Variants in ELOVL6 observed in about 807,000 individuals in gnomAD.
The protein encoded by ELOVL6 is ELOVL fatty acid elongase 6.
Under a neutral mutation model 31.7 loss-of-function variants are expected in ELOVL6, and 8 were observed. That is an observed-to-expected ratio of 0.25 (90% CI 0.15 to 0.45). The LOEUF is 0.45. Among genes scored for constraint, ELOVL6 ranks in the 20% least tolerant of loss-of-function variants. ELOVL6 has a pLI of 1.00. For synonymous variants in ELOVL6, 101 were observed against 117.7 expected (o/e 0.86, Z 0.92); for missense variants, 126 against 326.4 (o/e 0.39, Z 4.73).
chr4:110,108,204 C>T (rs1209339742), intron 1 of ELOVL6, among the ~76,000 whole-genome samples: 2 of 152,120 alleles, frequency 1.3e-5, no homozygotes, highest in East Asian at 1.9e-4. Flanking sequence ...ATACATATAC[C>T]ATGGAAGACA....
intron 1 of ELOVL6, among the ~76,000 whole-genome samples, chr4:110,157,773 C>T (rs1426366286): frequency 6.6e-6 from 1 of 152,156 alleles, no homozygotes; most frequent in Non-Finnish European, 1.5e-5. Flanking sequence ...ATAGTATCTG[C>T]TATGGAAGCT....
intron 1 of ELOVL6, among the ~76,000 whole-genome samples, chr4:110,112,591 G>T (rs1251847082): frequency 6.6e-6 from 1 of 152,112 alleles, no homozygotes; most frequent in Non-Finnish European, 1.5e-5. Flanking sequence ...TTAAAATCCG[G>T]GCTGAGTGTG....
At chr4:110,111,707 G>A (rs1159682456) in intron 1 of ELOVL6, among the ~76,000 whole-genome samples, 1 of 152,154 alleles carries the variant, frequency 6.6e-6, no homozygotes, top group South Asian at 2.1e-4. Context: ...ATTTAAGAGT[G>A]GACCCTGAAG....
rs373339018 is a variant in ELOVL6, at chr4:110,147,529, G to T, written c.90-41901C>A. 1.1e-4 allele frequency among the ~76,000 whole-genome samples: 16 copies of T among 152,206 alleles called. No individual in the cohort carries two copies. The East Asian group carries it at 2.9e-3, about 28-fold the overall frequency. ...GGAGAAAATATTTGCAAATGATACA[G>T]CCTGCAGGGAACTAACATCCAGAAT... On this transcript the variant is annotated intron_variant, in intron 1 of 3. Coordinates refer to ENST00000302274, the MANE Select transcript of ELOVL6 (RefSeq NM_024090.3).
At chr4:110,065,221 AG>A (rs374177586) in intron 2 of ELOVL6, among the ~76,000 whole-genome samples, 8 of 152,360 alleles carry the variant, frequency 5.3e-5, no homozygotes, top group African/African-American at 1.9e-4. Context: ...TTAGAATAAA[AG>A]TTTAGAAAGC....
chr4:110,066,516 G>C (rs1282940860), intron 2 of ELOVL6, among the ~76,000 whole-genome samples: 1 of 151,660 alleles, frequency 6.6e-6, no homozygotes, highest in East Asian at 1.9e-4. Context: ...ACAGGCGCCT[G>C]TGGTCCCAGC....
At chr4:110,063,887 G>A (rs997919092) in intron 2 of ELOVL6, among the ~76,000 whole-genome samples, 3 of 151,960 alleles carry the variant, frequency 2.0e-5, no homozygotes, top group African/African-American at 7.2e-5. Flanking sequence ...AGACCAGCCT[G>A]GCCAACACGG....
At chr4:110,084,191 AACT>A (rs1756069856) in intron 2 of ELOVL6, among the ~76,000 whole-genome samples, 1 of 87,248 alleles carries the variant, frequency 1.1e-5, no homozygotes, top group African/African-American at 4.9e-5. Context: ...TATAACATAT[AACT>A]TATATGATAT....
chr4:110,124,824 A>T (rs1360791390), intron 1 of ELOVL6, among the ~76,000 whole-genome samples: 1 of 152,212 alleles, frequency 6.6e-6, no homozygotes, highest in Non-Finnish European at 1.5e-5. Context: ...GATTACTCTC[A>T]ACTAGACAGA....
chr4:110,114,344 TTC>T (rs1413304229), intron 1 of ELOVL6, among the ~76,000 whole-genome samples: 1 of 152,184 alleles, frequency 6.6e-6, no homozygotes, highest in Non-Finnish European at 1.5e-5. Flanking sequence ...GCATTTTTTT[TTC>T]TTTTTTTTAG....
At chr4:110,166,286 C>T (rs1758770148) in intron 1 of ELOVL6, among the ~76,000 whole-genome samples, 1 of 152,162 alleles carries the variant, frequency 6.6e-6, no homozygotes, top group Admixed American at 6.5e-5. Context: ...TGAGACATCA[C>T]CTTTCTTTTC....
At chr4:110,151,845 T>G (rs1267820797) in intron 1 of ELOVL6, among the ~76,000 whole-genome samples, 1 of 152,198 alleles carries the variant, frequency 6.6e-6, no homozygotes, top group Non-Finnish European at 1.5e-5. Flanking sequence ...AAAAAGGAGA[T>G]TTTAAAAGTC....
intron 1 of ELOVL6, among the ~76,000 whole-genome samples, chr4:110,148,109 CAAAAAAAAAAA>C (rs1157605540): frequency 3.6e-5 from 2 of 54,938 alleles, no homozygotes; most frequent in Non-Finnish European, 4.1e-5. Flanking sequence ...AACTCGGTCT[CAAAAAAAAAAA>C]AAAAAAAAAG....
chr4:110,095,667 T>C (rs1284113071), intron 2 of ELOVL6, among the ~76,000 whole-genome samples: 1 of 151,846 alleles, frequency 6.6e-6, no homozygotes, highest in Non-Finnish European at 1.5e-5. Flanking sequence ...AGCAAAAGAG[T>C]TTTAATTAAG....
chr4:110,087,815 A>AAC lies in ELOVL6; in HGVS notation c.221+17681_221+17682insGT, dbSNP rs201503599. ...CTAAAATAAAATTGTAAAAAAAAAA[A>AAC]AAACCTCCTATTTTCTAGTTGGTTT... On this transcript the variant is annotated intron_variant, in intron 2 of 3. Coordinates refer to ENST00000302274, the MANE Select transcript of ELOVL6 (RefSeq NM_024090.3). Among the ~76,000 whole-genome samples, 751 of 151,710 alleles carry AAC rather than the reference A, an allele frequency of 5.0e-3. 5 individuals carry two copies. The highest frequency in any genetic ancestry group is 9.3e-3 in the Non-Finnish European group (632 of 67,754).
chr4:110,195,481 A>C (rs1304134182), intron 1 of ELOVL6, among the ~76,000 whole-genome samples: 2 of 152,052 alleles, frequency 1.3e-5, no homozygotes, highest in Non-Finnish European at 2.9e-5. Context: ...TTGGGGAGGG[A>C]GGAGAGATAA....
At chr4:110,077,273 G>C (rs996549332) in intron 2 of ELOVL6, among the ~76,000 whole-genome samples, 1 of 152,184 alleles carries the variant, frequency 6.6e-6, no homozygotes, top group Non-Finnish European at 1.5e-5. Flanking sequence ...GGAGATCTGA[G>C]AATGGACAGA....
intron 1 of ELOVL6, among the ~76,000 whole-genome samples, chr4:110,193,871 G>A (rs1019810101): frequency 1.3e-5 from 2 of 152,138 alleles, no homozygotes; most frequent in Non-Finnish European, 2.9e-5. Context: ...GAGGGGGAGG[G>A]TTTCATGAAG....
chr4:110,139,199 A>G (rs549850095), intron 1 of ELOVL6, among the ~76,000 whole-genome samples: 15 of 152,296 alleles, frequency 9.8e-5, no homozygotes, highest in African/African-American at 3.6e-4. Flanking sequence ...TGAAAGCCTA[A>G]TAAGAAGAAA....
Sources: allele counts gnomAD v4.1 joint callset (sites outside exome capture counted in the v4.1 genomes callset), GRCh38; gene constraint gnomAD v4.1.1; transcripts MANE v1.5; gene names NCBI Gene and HGNC (gene_info 2026-07-23, HGNC 2026-07-21).